Variants in IL10RB observed in about 807,000 individuals in gnomAD.
The protein encoded by IL10RB is interleukin 10 receptor subunit beta.
In IL10RB, 30 loss-of-function variants were observed where a neutral mutation model predicts 38.7. The observed-to-expected ratio is 0.78, with a 90% CI of 0.58 to 1.05. The LOEUF (loss-of-function observed/expected upper bound fraction) is 1.05. IL10RB is among the 50% of genes least tolerant of loss of function. The pLI is 0.00. For missense variants in IL10RB, 328 were observed against 397.1 expected, an observed-to-expected ratio of 0.83 and a Z score of 1.48; for synonymous variants, 142 against 145.9, an observed-to-expected ratio of 0.97 and a Z score of 0.19.
At chr21:33,286,859 G>A (rs1469809632) in intron 5 of IL10RB, among the ~76,000 whole-genome samples, 1 of 152,052 alleles carries the variant, frequency 6.6e-6, no homozygotes, top group Admixed American at 6.6e-5. Context: ...TCTCAAAAAT[G>A]AAAATAAATA....
rs1555864794 is a variant in IL10RB at position 33,267,490 on chromosome 21, T to TTTTG, written c.50-892_50-889dup. Among the ~76,000 whole-genome samples, 544 of 147,910 alleles carry TTTTG rather than the reference T, an allele frequency of 3.7e-3. 9 individuals carry two copies. Among genetic ancestry groups the TTTTG allele is most frequent in the African/African-American group, 0.013 (525 of 39,538 alleles). ...TCTTTCTTTCTTCTTCCGTTTTTTTTTTTGTTTGTTTGTTTTTTTGTTTTT... is the reference window on the plus strand; with the variant it reads ...TCTTTCTTTCTTCTTCCGTTTTTTTTTTTGTTTGTTTGTTTGTTTTTTTGTTTTT... On this transcript the variant is annotated intron_variant, in intron 1 of 6. Transcript: ENST00000290200.
intron 2 of IL10RB, among the ~76,000 whole-genome samples, chr21:33,273,207 G>A (rs1989111590): frequency 6.6e-6 from 1 of 152,144 alleles, no homozygotes; most frequent in Non-Finnish European, 1.5e-5. Context: ...ACTGAGTGCT[G>A]TAGGCAATCG....
downstream of IL10RB, among the ~76,000 whole-genome samples, chr21:33,301,386 G>C (rs536330389): frequency 1.3e-5 from 2 of 152,126 alleles, no homozygotes; most frequent in African/African-American, 4.8e-5. Flanking sequence ...CTGACTATTG[G>C]GCTGGCACTT....
At position 33,276,578 on chromosome 21, in the gene IL10RB, A is replaced by G. The variant is rs779105633; in HGVS notation, c.174-18A>G. 30 of 1,608,752 alleles carry G rather than the reference A, an allele frequency of 1.9e-5. No individual in the cohort carries two copies. The highest frequency in any genetic ancestry group is 5.0e-5 in the Admixed American group (3 of 59,976). On this transcript the variant is annotated intron_variant, in intron 2 of 6. Coordinates refer to ENST00000290200, the MANE Select transcript of IL10RB (RefSeq NM_000628.5). Reference sequence around the variant, plus strand: ...AAGCCAGAACTCTCCTGATTGACCTATCTTTTTGATTGTGTAGTTATAGGA... The same window carrying G: ...AAGCCAGAACTCTCCTGATTGACCTGTCTTTTTGATTGTGTAGTTATAGGA...
chr21:33,295,650 C>A (rs144275490), intron 6 of IL10RB, among the ~76,000 whole-genome samples: 2 of 121,622 alleles, frequency 1.6e-5, no homozygotes, highest in African/African-American at 6.2e-5. Flanking sequence ...CCAGCCCAGA[C>A]GACAGAGCGA....
chr21:33,267,502 GT>G (rs1555864810), intron 1 of IL10RB, among the ~76,000 whole-genome samples: 1 of 102,720 alleles, frequency 9.7e-6, no homozygotes, highest in African/African-American at 3.7e-5. Context: ...TTGTTTGTTT[GT>G]TTTTTTGTTT....
downstream of IL10RB, among the ~76,000 whole-genome samples, chr21:33,302,037 A>G (rs1416607789): frequency 6.6e-6 from 1 of 152,202 alleles, no homozygotes; most frequent in African/African-American, 2.4e-5. Context: ...TAGGATTGTA[A>G]TTCTCATCTT....
chr21:33,296,481 T>C lies in IL10RB; in HGVS notation c.*124T>C, dbSNP rs773217539. On this transcript the variant is annotated 3_prime_UTR_variant, in exon 7 of 7. Coordinates refer to ENST00000290200, the MANE Select transcript of IL10RB (RefSeq NM_000628.5). ...TCTGAGCCAGCCCCACATCTAGAAC[T>C]CCCAGACCCTGGACTTAGCCACCAG... 10 of 936,276 alleles carry C rather than the reference T, an allele frequency of 1.1e-5. No individual in the cohort carries two copies. The highest frequency in any genetic ancestry group is 1.3e-5 in the Non-Finnish European group (8 of 596,134). The allele number at this position is 936,276 out of a possible 1,614,324, so 58.0% of individuals were successfully genotyped here. A position where few individuals can be genotyped will look rare whatever the true frequency, so the allele number is the denominator to read the frequency against.
chr21:33,274,220 CTG>C (rs1289342011), intron 2 of IL10RB, among the ~76,000 whole-genome samples: 2 of 152,176 alleles, frequency 1.3e-5, no homozygotes, highest in Non-Finnish European at 2.9e-5. Context: ...GAGTCTCACT[CTG>C]TTGCCCAGGC....
In IL10RB at chr21:33,276,726, A is replaced by G; in HGVS notation, c.304A>G (p.Asn102Asp). The change falls in exon 3 of 7, where the codon AAC becomes GAC. Residue 102 changes from asparagine (N) to aspartate (D), a missense_variant. Asn to Asp is a conservative substitution (Grantham distance 23). Coordinates refer to ENST00000290200, the MANE Select transcript of IL10RB (RefSeq NM_000628.5). ...EFADEHSDWV[N>D]ITFCPVDDTI... ...TGCAGATGAGCATTCAGACTGGGTAAACATCACCTTCTGTCCTGTGGATGA... is the reference window on the plus strand; with the variant it reads ...TGCAGATGAGCATTCAGACTGGGTAGACATCACCTTCTGTCCTGTGGATGA... The G allele has an allele frequency of 1.2e-6, 2 of 1,614,132 alleles. No homozygotes were observed. The highest frequency in any genetic ancestry group is 2.2e-5 in the South Asian group (2 of 91,082).
At chr21:33,297,610 G>A (rs1446618025), downstream of IL10RB, among the ~76,000 whole-genome samples, 1 of 152,046 alleles carries the variant, frequency 6.6e-6, no homozygotes, top group Non-Finnish European at 1.5e-5. Context: ...TTGGGCCCAG[G>A]AGTTGAGACC....
At chr21:33,301,437 G>A (rs1250111633), downstream of IL10RB, among the ~76,000 whole-genome samples, 1 of 152,222 alleles carries the variant, frequency 6.6e-6, no homozygotes, top group Non-Finnish European at 1.5e-5. Context: ...TGATAAAAAA[G>A]ATAACCGGAA....
At chr21:33,268,229 A>G in intron 1 of IL10RB, 165 bp from the exon 2 acceptor site, 1 of 1,527,220 alleles carries the variant, frequency 6.5e-7, no homozygotes, top group Non-Finnish European at 8.8e-7. Context: ...CTGTTCAAAG[A>G]AAATCTAGAC....
Position 33,296,212 on chromosome 21 carries a change from T to C in IL10RB, c.833T>C (p.Leu278Pro), listed in dbSNP as rs781553501. 2 of 1,614,102 alleles carry C rather than the reference T, an allele frequency of 1.2e-6. No homozygotes were observed. Among genetic ancestry groups the C allele is most frequent in the Non-Finnish European group, 1.7e-6 (2 of 1,179,924 alleles). Reference sequence around the variant, plus strand: ...TTGGGCCATCCTCATCATAACACACTTCTGTTTTTCTCCTTTCCATTGTCG... The same window carrying C: ...TTGGGCCATCCTCATCATAACACACCTCTGTTTTTCTCCTTTCCATTGTCG... ...EFLGHPHHNTLLFFSFPLSDE... is the reference protein window; with the variant it reads ...EFLGHPHHNTPLFFSFPLSDE... The change falls in exon 7 of 7, where the codon CTT becomes CCT. Residue 278 changes from leucine to proline, a missense_variant. Physicochemically the swap from Leu to Pro is moderately conservative, Grantham distance 98 (BLOSUM62 -3). Coordinates refer to ENST00000290200, the MANE Select transcript of IL10RB (RefSeq NM_000628.5).
chr21:33,298,309 G>C (rs1387149791), downstream of IL10RB, among the ~76,000 whole-genome samples: 2 of 152,110 alleles, frequency 1.3e-5, no homozygotes, highest in Admixed American at 6.6e-5. Flanking sequence ...AATGTTTGCT[G>C]CATGTATATA....
chr21:33,268,126 T>C (rs1989007150), intron 1 of IL10RB: 1 of 897,812 alleles, frequency 1.1e-6, no homozygotes. Context: ...GTGCCCACCC[T>C]ACCCCCTCAT....
intron 3 of IL10RB, 60 bp downstream of exon 3, chr21:33,276,813 C>T: frequency 6.8e-7 from 1 of 1,475,912 alleles, no homozygotes; most frequent in Non-Finnish European, 9.5e-7. Context: ...TTTTTTTCCA[C>T]ATTGGTTGGT....
chr21:33,287,111 G>A (rs1202169072), intron 5 of IL10RB, among the ~76,000 whole-genome samples: 5 of 152,050 alleles, frequency 3.3e-5, no homozygotes, highest in Non-Finnish European at 7.4e-5. Flanking sequence ...ATATCCCTGC[G>A]TTGTGGGAGA....
At chr21:33,278,451 T>G (rs1355390293) in intron 3 of IL10RB, among the ~76,000 whole-genome samples, 1 of 152,238 alleles carries the variant, frequency 6.6e-6, no homozygotes, top group South Asian at 2.1e-4. Flanking sequence ...AAAGGAAAGA[T>G]GAACAGAAAA....
Sources: gnomAD v4.1 joint callset for allele counts (sites outside exome capture counted in the v4.1 genomes callset) on GRCh38, gnomAD v4.1.1 for gene constraint, MANE v1.5 for transcripts, NCBI Gene and HGNC (gene_info 2026-07-23, HGNC 2026-07-21) for gene names.